AKT3: variants seen among roughly 807,000 people sequenced by gnomAD.
AKT3 encodes the protein RAC-gamma serine/threonine-protein kinase.
A neutral mutation model predicts 65.3 loss-of-function variants in AKT3; 15 were observed. That is an observed-to-expected ratio of 0.23 (90% CI 0.15 to 0.35). AKT3 has a LOEUF of 0.35. Ranked by LOEUF, AKT3 falls within the 10% of genes least tolerant of loss-of-function variation. The pLI is 1.00. For synonymous variants in AKT3, 206 were observed against 183.8 expected (o/e 1.12, Z -0.98); for missense variants, 243 against 576.5 (o/e 0.42, Z 5.92).
chr1:243,615,151 G>A lies in AKT3; in HGVS notation c.572C>T (p.Ala191Val), dbSNP rs767433650. ...TACTCTGCTTTCAGTTAGAGTGTGT[G>A]CCACTTCATCCTACAAAAGAAAAAA... ...KEVIIAKDEVAHTLTESRVLK... is the reference protein window; with the variant it reads ...KEVIIAKDEVVHTLTESRVLK... Residue 191 changes from alanine to valine, a missense_variant, in exon 7 of 14, where the codon GCA becomes GTA. By Grantham distance (64) the Ala-to-Val change is moderately conservative. This residue lies in a region of AKT3 where 61 missense variants were observed against 163.3 expected (regional missense o/e 0.37). Transcript: ENST00000673466. 6.2e-7 allele frequency: 1 copy of A among 1,606,232 alleles called. No homozygotes were observed. Among genetic ancestry groups the A allele is most frequent in the Non-Finnish European group, 8.5e-7 (1 of 1,175,530 alleles).
chr1:243,725,258 G>C (rs1038121431), intron 2 of AKT3, among the ~76,000 whole-genome samples: 3 of 151,990 alleles, frequency 2.0e-5, no homozygotes, highest in Non-Finnish European at 4.4e-5. Context: ...AAAAGTTCTG[G>C]AAAGTGTTGA....
At chr1:243,555,202 A>G (rs1372928190) in intron 10 of AKT3, among the ~76,000 whole-genome samples, 1 of 152,194 alleles carries the variant, frequency 6.6e-6, no homozygotes, top group African/African-American at 2.4e-5. Flanking sequence ...TGACATGTAA[A>G]CTTAAGCAAT....
intron 2 of AKT3, among the ~76,000 whole-genome samples, chr1:243,804,993 C>T (rs1350071253): frequency 2.0e-5 from 3 of 151,970 alleles, no homozygotes; most frequent in Non-Finnish European, 4.4e-5. Context: ...TAGAACATAC[C>T]ACAACTTTAC....
intron 4 of AKT3, among the ~76,000 whole-genome samples, chr1:243,652,604 T>G (rs1181884166): frequency 6.6e-6 from 1 of 151,714 alleles, no homozygotes; most frequent in Non-Finnish European, 1.5e-5. Context: ...ATACTAACCT[T>G]AAATGTAAAT....
intron 13 of AKT3, 40 bp from the exon 14 acceptor site, chr1:243,505,374 T>C: frequency 2.5e-6 from 4 of 1,571,844 alleles, no homozygotes; most frequent in East Asian, 2.2e-5. Flanking sequence ...TACACATTCA[T>C]TTTTTGCAAC....
At chr1:243,802,418 T>A (rs376475980) in intron 2 of AKT3, among the ~76,000 whole-genome samples, 1 of 152,136 alleles carries the variant, frequency 6.6e-6, no homozygotes, top group African/African-American at 2.4e-5. Context: ...ATATCAAATA[T>A]TGGAGCTAGA....
intron 12 of AKT3, among the ~76,000 whole-genome samples, chr1:243,515,429 TTCA>T (rs1353739333): frequency 1.3e-5 from 2 of 152,192 alleles, no homozygotes; most frequent in African/African-American, 2.4e-5. Flanking sequence ...CTCAGAGCGT[TTCA>T]TTTTTTGTTT....
intron 2 of AKT3, among the ~76,000 whole-genome samples, chr1:243,705,424 T>A (rs1685737150): frequency 6.6e-6 from 1 of 152,236 alleles, no homozygotes; most frequent in Admixed American, 6.5e-5. Flanking sequence ...AATTATCATC[T>A]ACCCTTAAGT....
chr1:243,637,883 T>A, intron 5 of AKT3, 141 bp from the exon 6 acceptor site: 1 of 514,494 alleles, frequency 1.9e-6, no homozygotes, highest in Non-Finnish European at 3.3e-6. Context: ...AGAATCAGAC[T>A]GGCATTGGCT....
intron 2 of AKT3, among the ~76,000 whole-genome samples, chr1:243,753,734 T>G (rs1043950089): frequency 2.0e-5 from 3 of 152,192 alleles, no homozygotes; most frequent in African/African-American, 7.2e-5. Flanking sequence ...TTGTCTGCTA[T>G]GTCAAACACA....
At chr1:243,721,782 AT>A (rs1297340537) in intron 2 of AKT3, among the ~76,000 whole-genome samples, 1 of 152,166 alleles carries the variant, frequency 6.6e-6, no homozygotes, top group Non-Finnish European at 1.5e-5. Flanking sequence ...AATTAAAAGA[AT>A]GCCACTGCTA....
intron 6 of AKT3, among the ~76,000 whole-genome samples, chr1:243,626,889 A>G (rs1357526689): frequency 6.6e-6 from 1 of 152,206 alleles, no homozygotes; most frequent in Non-Finnish European, 1.5e-5. Flanking sequence ...CAGCTACTAT[A>G]CTGCAGAAAG....
chr1:243,637,094 A>T (rs998538614), intron 6 of AKT3, among the ~76,000 whole-genome samples: 2 of 152,110 alleles, frequency 1.3e-5, no homozygotes, highest in Non-Finnish European at 2.9e-5. Flanking sequence ...CATCATTAAC[A>T]TGTTATTTAT....
At chr1:243,564,542 T>C (rs541796985) in intron 9 of AKT3, among the ~76,000 whole-genome samples, 17 of 152,280 alleles carry the variant, frequency 1.1e-4, no homozygotes, top group African/African-American at 4.1e-4. Flanking sequence ...AACAGGATCA[T>C]GTGCCTCAAG....
At chr1:243,700,206 C>T (rs141686056) in intron 2 of AKT3, among the ~76,000 whole-genome samples, 300 of 152,286 alleles carry the variant, frequency 2.0e-3, no homozygotes, top group Non-Finnish European at 3.8e-3. Context: ...TGTACAGATT[C>T]AGTTAGCACC....
chr1:243,579,308 CAAAGA>C (rs1675167780), intron 8 of AKT3, among the ~76,000 whole-genome samples: 1 of 151,918 alleles, frequency 6.6e-6, no homozygotes. Flanking sequence ...ACTGAGAAAG[CAAAGA>C]ATAGTCTAGG....
chr1:243,574,951 T>A (rs1034069773), intron 8 of AKT3, among the ~76,000 whole-genome samples: 1 of 152,158 alleles, frequency 6.6e-6, no homozygotes, highest in Non-Finnish European at 1.5e-5. Flanking sequence ...AGATTCTAGA[T>A]CTTTATTTAG....
At chr1:243,706,595 A>C (rs1455492449) in intron 2 of AKT3, among the ~76,000 whole-genome samples, 1 of 152,202 alleles carries the variant, frequency 6.6e-6, no homozygotes, top group African/African-American at 2.4e-5. Context: ...CGAGAGCTCC[A>C]CTATTCTGAG....
At chr1:243,543,696 T>G (rs1672467598) in intron 12 of AKT3, among the ~76,000 whole-genome samples, 1 of 152,184 alleles carries the variant, frequency 6.6e-6, no homozygotes, top group South Asian at 2.1e-4. Flanking sequence ...TCAGTGATAC[T>G]AAGTGGATAT....
Sources: allele counts gnomAD v4.1 joint callset (sites outside exome capture counted in the v4.1 genomes callset), GRCh38; gene constraint gnomAD v4.1.1; regional missense constraint gnomAD v4.1.1; transcripts MANE v1.5; gene names NCBI Gene and HGNC (gene_info 2026-07-23, HGNC 2026-07-21).